Variants in MLLT3 observed in about 807,000 individuals in gnomAD.
MLLT3 encodes protein AF-9.
MLLT3 carries 4 observed loss-of-function variants against 53.2 expected under a neutral mutation model. That is an observed-to-expected ratio of 0.08 (90% CI 0.04 to 0.17). The LOEUF is 0.17. Among genes scored for constraint, MLLT3 ranks in the 10% least tolerant of loss-of-function variants. The pLI, the probability that MLLT3 is intolerant of heterozygous loss-of-function variation, is 1.00. For missense variants in MLLT3, 569 were observed against 684.0 expected (o/e 0.83, Z 1.87); for synonymous variants, 283 against 230.6 (o/e 1.23, Z -2.06).
chr9:20,612,416 A>G (rs1298576615), intron 2 of MLLT3, among the ~76,000 whole-genome samples: 1 of 152,190 alleles, frequency 6.6e-6, no homozygotes, highest in African/African-American at 2.4e-5. Flanking sequence ...GCACATTACT[A>G]TGGCCACGAA....
At chr9:20,521,128 A>G (rs959937017) in intron 2 of MLLT3, among the ~76,000 whole-genome samples, 10 of 151,786 alleles carry the variant, frequency 6.6e-5, no homozygotes, top group Non-Finnish European at 1.2e-4. Context: ...CTGGAGCACA[A>G]TGGGCGATCT....
chr9:20,477,584 T>TA (rs1824557608), intron 2 of MLLT3, among the ~76,000 whole-genome samples: 4 of 151,938 alleles, frequency 2.6e-5, no homozygotes, highest in African/African-American at 9.7e-5. Flanking sequence ...AATTTTAAAT[T>TA]AATAAATAAA....
intron 7 of MLLT3, among the ~76,000 whole-genome samples, chr9:20,361,097 C>T (rs1294850774): frequency 6.6e-6 from 1 of 152,186 alleles, no homozygotes; most frequent in South Asian, 2.1e-4. Flanking sequence ...GGTCACTCAT[C>T]TAGGGTCACA....
At chr9:20,608,067 C>T (rs1305790305) in intron 2 of MLLT3, among the ~76,000 whole-genome samples, 2 of 151,936 alleles carry the variant, frequency 1.3e-5, no homozygotes, top group Non-Finnish European at 2.9e-5. Flanking sequence ...ACTTCTTTCT[C>T]TGCCCTAAAT....
intron 2 of MLLT3, among the ~76,000 whole-genome samples, chr9:20,478,351 T>A (rs1283324735): frequency 6.6e-6 from 1 of 152,184 alleles, no homozygotes; most frequent in African/African-American, 2.4e-5. Flanking sequence ...AAAGAGTTGT[T>A]CTGTCTTGTT....
At chr9:20,456,051 G>C (rs927911071) in intron 3 of MLLT3, among the ~76,000 whole-genome samples, 29 of 148,816 alleles carry the variant, frequency 1.9e-4, no homozygotes, top group African/African-American at 7.2e-4. Flanking sequence ...TGATTCTCTT[G>C]CCTCAGCCTC....
intron 2 of MLLT3, among the ~76,000 whole-genome samples, chr9:20,548,315 T>G (rs1486803810): frequency 1.3e-5 from 2 of 152,220 alleles, no homozygotes; most frequent in African/African-American, 2.4e-5. Context: ...TCCAGTTCTC[T>G]GACATTGCGT....
intron 2 of MLLT3, among the ~76,000 whole-genome samples, chr9:20,619,323 G>C (rs1350419990): frequency 6.6e-6 from 1 of 152,072 alleles, no homozygotes; most frequent in Non-Finnish European, 1.5e-5. Context: ...GTTTTCAGGA[G>C]GAGTTATAAA....
At chr9:20,487,009 T>C (rs999475317) in intron 2 of MLLT3, among the ~76,000 whole-genome samples, 1 of 152,168 alleles carries the variant, frequency 6.6e-6, no homozygotes, top group Non-Finnish European at 1.5e-5. Context: ...TTTGTGATTA[T>C]CAATTGTTGT....
chr9:20,393,663 C>A (rs1822247452), intron 5 of MLLT3, among the ~76,000 whole-genome samples: 1 of 152,164 alleles, frequency 6.6e-6, no homozygotes, highest in Non-Finnish European at 1.5e-5. Context: ...AACAGCTATG[C>A]CTTACATAAC....
At chr9:20,610,596 C>CA (rs1820676649) in intron 2 of MLLT3, among the ~76,000 whole-genome samples, 2 of 151,912 alleles carry the variant, frequency 1.3e-5, no homozygotes, top group South Asian at 4.1e-4. Context: ...ATACGGTTGC[C>CA]AAAAAATTCC....
At chr9:20,475,813 C>T (rs1455877818) in intron 2 of MLLT3, among the ~76,000 whole-genome samples, 1 of 152,038 alleles carries the variant, frequency 6.6e-6, no homozygotes, top group Non-Finnish European at 1.5e-5. Flanking sequence ...TTGAGTCCTC[C>T]TCCAAAATAC....
intron 2 of MLLT3, among the ~76,000 whole-genome samples, chr9:20,554,261 A>T (rs1819000364): frequency 2.0e-5 from 3 of 152,100 alleles, no homozygotes; most frequent in Admixed American, 1.3e-4. Context: ...TTTCACCTTT[A>T]AAAAAATCTC....
chr9:20,609,257 C>T (rs553402748), intron 2 of MLLT3, among the ~76,000 whole-genome samples: 1 of 151,994 alleles, frequency 6.6e-6, no homozygotes, highest in Non-Finnish European at 1.5e-5. Flanking sequence ...CATGTTACAA[C>T]TGAAGAGTAG....
intron 2 of MLLT3, among the ~76,000 whole-genome samples, chr9:20,618,201 C>T (rs1351546486): frequency 6.6e-6 from 1 of 152,142 alleles, no homozygotes; most frequent in Admixed American, 6.5e-5. Context: ...CTCCAATTTC[C>T]AATTGGTAGA....
chr9:20,537,127 T>C (rs913209131), intron 2 of MLLT3, among the ~76,000 whole-genome samples: 1 of 152,242 alleles, frequency 6.6e-6, no homozygotes, highest in Non-Finnish European at 1.5e-5. Flanking sequence ...TATGCATTCA[T>C]ATACACTTAC....
At chr9:20,568,206 GGAGA>G (rs1819433703) in intron 2 of MLLT3, among the ~76,000 whole-genome samples, 1 of 152,062 alleles carries the variant, frequency 6.6e-6, no homozygotes, top group African/African-American at 2.4e-5. Context: ...AAATTCAGTC[GGAGA>G]GAGGGAGGAA....
Position 20,510,866 on chromosome 9 carries a change from T to G in MLLT3, c.194-54080A>C, listed in dbSNP as rs541074256. Among the ~76,000 whole-genome samples the G allele has an allele frequency of 1.4e-3, 220 of 152,254 alleles. 1 individual carries two copies. The highest frequency in any genetic ancestry group is 5.1e-3 in the African/African-American group (210 of 41,556). On this transcript the variant is annotated intron_variant, in intron 2 of 10. Transcript: ENST00000380338. ...ACTAAAGCACCAGCATTTAAAGATA[T>G]GTACTCAAGAATGCTTTGCCATTAC...
At position 20,413,906 on chromosome 9, in the gene MLLT3, G is replaced by T. The variant is rs1230399722; in HGVS notation, c.940C>A (p.Pro314Thr). The T allele has an allele frequency of 6.2e-7, 1 of 1,613,648 alleles. No homozygotes were observed. The highest frequency in any genetic ancestry group is 1.1e-5 in the South Asian group (1 of 90,982). ...EALFKSFSSA[P>T]PLILTCSADK... Reference sequence around the variant, plus strand: ...GCAGAACAAGTGAGTATCAGTGGTGGTGCGCTAGAAAAACTTTTAAATAAA... The same window carrying T: ...GCAGAACAAGTGAGTATCAGTGGTGTTGCGCTAGAAAAACTTTTAAATAAA... Residue 314 changes from proline (P) to threonine (T), a missense_variant, in exon 5 of 11, where the codon CCA becomes ACA. Around this residue, in one of 5 missense-constraint regions of MLLT3, gnomAD observed 437 missense variants for 376.5 expected, o/e 1.16. Transcript: ENST00000380338.
Sources: gnomAD v4.1 joint callset for allele counts (sites outside exome capture counted in the v4.1 genomes callset) on GRCh38, gnomAD v4.1.1 for gene constraint, gnomAD v4.1.1 regional missense constraint, MANE v1.5 for transcripts, NCBI Gene and HGNC (gene_info 2026-07-23, HGNC 2026-07-21) for gene names.